ZNF626: variants seen among roughly 807,000 people sequenced by gnomAD.
The protein encoded by ZNF626 is CTC-513N18.7.
A neutral mutation model predicts 11.7 loss-of-function variants in ZNF626; 4 were observed. The observed-to-expected ratio is 0.34, with a 90% CI of 0.17 to 0.78. The LOEUF (loss-of-function observed/expected upper bound fraction) is 0.78. ZNF626 is among the 30% of genes least tolerant of loss of function. The pLI is 0.57. For missense variants in ZNF626, 588 were observed against 587.1 expected, an observed-to-expected ratio of 1.00 and a Z score of -0.01; for synonymous variants, 179 against 198.6, an observed-to-expected ratio of 0.90 and a Z score of 0.83.
In ZNF626 at chr19:20,623,043, A is replaced by G. The variant is rs1293336769; in HGVS notation, c.*1247T>C. 2 of 152,118 alleles carry G rather than the reference A, an allele frequency of 1.3e-5. No individual in the cohort carries two copies. Among genetic ancestry groups the G allele is most frequent in the African/African-American group, 4.8e-5 (2 of 41,422 alleles). 9.4% of individuals were successfully genotyped at this position (152,118 alleles called of 1,614,324 possible). On this transcript the variant is annotated 3_prime_UTR_variant, in exon 4 of 4. Coordinates refer to ENST00000601440, the MANE Select transcript of ZNF626 (RefSeq NM_001076675.3). ...AATGTGTGTAATAAACCTCCTGTAT[A>G]TTTGTAATGGTTGTCTTCAGAATAA...
chr19:20,625,311 G>T lies in ZNF626; in HGVS notation c.566C>A (p.Thr189Asn). The change falls in exon 4 of 4, where the codon ACT becomes AAT. Residue 189 changes from threonine to asparagine, a missense_variant. Coordinates refer to ENST00000601440, the MANE Select transcript of ZNF626 (RefSeq NM_001076675.3). ...TCCAGTATGAATTTTCTTATGTGTA[G>T]TAAGAGTTGAGAACTGCTTAAAAGC... Reference protein sequence around the residue: ...GKAFKQFSTLTTHKKIHTGGK... With the variant: ...GKAFKQFSTLNTHKKIHTGGK... 7 of 1,613,608 alleles carry T rather than the reference G, an allele frequency of 4.3e-6. No individual in the cohort carries two copies. The highest frequency in any genetic ancestry group is 2.2e-5 in the East Asian group (1 of 44,864).
rs1969740573 is a variant in ZNF626, at chr19:20,620,097, A to G, written c.*4193T>C. Reference sequence around the variant, plus strand: ...TCAATTTTGGTTAAATTTTTATTAAAATAAGCGTTAAAAATAATTTTTTGA... The same window carrying G: ...TCAATTTTGGTTAAATTTTTATTAAGATAAGCGTTAAAAATAATTTTTTGA... On this transcript the variant is annotated 3_prime_UTR_variant, in exon 4 of 4. Coordinates refer to ENST00000601440, the MANE Select transcript of ZNF626 (RefSeq NM_001076675.3). The G allele has an allele frequency of 6.6e-6, 1 of 152,180 alleles. No individual in the cohort carries two copies. Among genetic ancestry groups the G allele is most frequent in the Admixed American group, 6.5e-5 (1 of 15,278 alleles). The allele number at this position is 152,180 out of a possible 1,614,324, so 9.4% of individuals were successfully genotyped here. A position where few individuals can be genotyped will look rare whatever the true frequency, so the allele number is the denominator to read the frequency against.
chr19:20,661,412 CCT>C (rs1393715161), intron 1 of ZNF626, 30 bp downstream of exon 1: 3 of 1,613,776 alleles, frequency 1.9e-6, no homozygotes, highest in Non-Finnish European at 2.5e-6. Flanking sequence ...CAGTCCCTCT[CCT>C]CTCTCGGGAT....
chr19:20,647,489 T>G lies in ZNF626; in HGVS notation c.4-1084A>C, dbSNP rs1034091276. ...TTAACTGCACTAGGACAATGGTTTT[T>G]TTTTTTTTTTTTTTTGAGACGGAGT... On this transcript the variant is annotated intron_variant, in intron 1 of 3. Transcript: ENST00000601440. Among the ~76,000 whole-genome samples, 292 of 119,570 alleles carry G rather than the reference T, an allele frequency of 2.4e-3. 1 individual carries two copies. Among genetic ancestry groups the G allele is most frequent in the Non-Finnish European group, 2.0e-3 (132 of 65,124 alleles). 78.4% of individuals were successfully genotyped at this position (119,570 alleles called of 152,430 possible). A position where few individuals can be genotyped will look rare whatever the true frequency, so the allele number is the denominator to read the frequency against.
At chr19:20,647,588 GCCATT>G (rs1970095822) in intron 1 of ZNF626, among the ~76,000 whole-genome samples, 1 of 146,316 alleles carries the variant, frequency 6.8e-6, no homozygotes, top group Non-Finnish European at 1.5e-5. Context: ...CCAGGTTCAC[GCCATT>G]CTCCTGCCTC....
chr19:20,626,860 C>CA (rs1373112582), intron 3 of ZNF626, among the ~76,000 whole-genome samples: 17 of 151,930 alleles, frequency 1.1e-4, no homozygotes, highest in South Asian at 2.1e-4. Context: ...GCTAAAAATA[C>CA]AAAAAATTAG....
At chr19:20,640,642 T>C (rs1555771336) in intron 3 of ZNF626, among the ~76,000 whole-genome samples, 1 of 143,398 alleles carries the variant, frequency 7.0e-6, no homozygotes, top group Non-Finnish European at 1.5e-5. Flanking sequence ...AGAAAATTAC[T>C]AGTTTATAGA....
rs539555076 is a variant in ZNF626 at position 20,626,835 on chromosome 19, TA to T, written c.227-1186del. 6.6e-5 allele frequency among the ~76,000 whole-genome samples: 10 copies of T among 152,100 alleles called. 1 individual carries two copies. The South Asian group carries it at 2.1e-3, about 32-fold the overall frequency. The stretch of plus-strand genomic sequence containing the variant: ...TCCAAAATTAGCCTGGCCAACATGG[TA>T]AAAACCCATCTCTGCTAAAAATACA... On this transcript the variant is annotated intron_variant, in intron 3 of 3. Coordinates refer to ENST00000601440, the MANE Select transcript of ZNF626 (RefSeq NM_001076675.3).
intron 3 of ZNF626, among the ~76,000 whole-genome samples, chr19:20,635,173 T>C (rs548128685): frequency 1.7e-3 from 265 of 152,290 alleles, no homozygotes; most frequent in Middle Eastern, 3.4e-3. Flanking sequence ...AAAGCAGTTA[T>C]ACTCCTAGAA....
rs3217340 is a variant in ZNF626, at chr19:20,661,534, G to GAAGT, written c.-89_-88insACTT. ...GGCCACACAGCCTGGGCCTTTAGGA[G>GAAGT]AAGAACCAGACCTGGAGCTCTGACT... On this transcript the variant is annotated 5_prime_UTR_variant, in exon 1 of 4. Coordinates refer to ENST00000601440, the MANE Select transcript of ZNF626 (RefSeq NM_001076675.3). The GAAGT allele has an allele frequency of 0.76, 1,126,373 of 1,491,178 alleles. 430,642 individuals carry two copies. Among genetic ancestry groups the GAAGT allele is most frequent in the African/African-American group, 0.91 (65,574 of 71,908 alleles). The allele number at this position is 1,491,178 out of a possible 1,614,324, so 92.4% of individuals were successfully genotyped here.
At chr19:20,659,036 T>G (rs1207037235) in intron 1 of ZNF626, among the ~76,000 whole-genome samples, 1 of 152,106 alleles carries the variant, frequency 6.6e-6, no homozygotes, top group Non-Finnish European at 1.5e-5. Context: ...ATGAAACACA[T>G]AGAAAATCCT....
intron 1 of ZNF626, among the ~76,000 whole-genome samples, chr19:20,659,193 T>C (rs1403899103): frequency 2.6e-5 from 4 of 152,192 alleles, no homozygotes; most frequent in African/African-American, 9.6e-5. Context: ...GTACATTTTC[T>C]CCTTTTTCTC....
intron 3 of ZNF626, among the ~76,000 whole-genome samples, chr19:20,637,969 GTC>G (rs1340131383): frequency 6.6e-6 from 1 of 151,518 alleles, no homozygotes; most frequent in Admixed American, 6.6e-5. Flanking sequence ...GCAAAACTCT[GTC>G]TCTACAAAAA....
Position 20,623,535 on chromosome 19 carries a change from A to AAT in ZNF626, c.*754_*755insAT, listed in dbSNP as rs1969780833. ...AACTTGTGGCCAGGCATGGTGGCTCATGCCTGTAATTGCAACACTTTAGGA... is the reference window on the plus strand; with the variant it reads ...AACTTGTGGCCAGGCATGGTGGCTCAATTGCCTGTAATTGCAACACTTTAGGA... On this transcript the variant is annotated 3_prime_UTR_variant, in exon 4 of 4. Transcript: ENST00000601440. 1 of 155,724 alleles carries AAT rather than the reference A, an allele frequency of 6.4e-6. No homozygotes were observed. The highest frequency in any genetic ancestry group is 6.2e-5 in the Admixed American group (1 of 16,030). 9.6% of individuals were successfully genotyped at this position (155,724 alleles called of 1,614,324 possible).
chr19:20,645,207 T>C (rs1455336279), intron 3 of ZNF626: 2 of 1,222,450 alleles, frequency 1.6e-6, no homozygotes, highest in African/African-American at 1.6e-5. Flanking sequence ...ATTTCAAGCC[T>C]AGATAGTAAT....
chr19:20,639,089 G>A (rs1222919333), intron 3 of ZNF626, among the ~76,000 whole-genome samples: 1 of 152,142 alleles, frequency 6.6e-6, no homozygotes, highest in African/African-American at 2.4e-5. Flanking sequence ...GTAACTGGAT[G>A]TATTATATGG....
chr19:20,627,603 AATAT>A (rs1226551034), intron 3 of ZNF626, among the ~76,000 whole-genome samples: 1 of 151,936 alleles, frequency 6.6e-6, no homozygotes, highest in African/African-American at 2.4e-5. Flanking sequence ...AAACCATTTA[AATAT>A]ATATATAATT....
intron 3 of ZNF626, among the ~76,000 whole-genome samples, chr19:20,627,093 G>C (rs1183381430): frequency 6.6e-6 from 1 of 151,052 alleles, no homozygotes; most frequent in Admixed American, 6.6e-5. Context: ...TAAAAATGAG[G>C]ATAATAATAA....
Position 20,623,800 on chromosome 19 carries a change from CAAAAAAA to C in ZNF626, c.*483_*489del. ...GGTGACAAGAGTTGAAACTCCATCT[CAAAAAAA>C]AAAAAAAAAAGACAGAACTTGTTAT... On this transcript the variant is annotated 3_prime_UTR_variant, in exon 4 of 4. Coordinates refer to ENST00000601440, the MANE Select transcript of ZNF626 (RefSeq NM_001076675.3). The C allele has an allele frequency of 5.0e-6, 1 of 199,254 alleles. No individual in the cohort carries two copies. The highest frequency in any genetic ancestry group is 6.1e-5 in the Admixed American group (1 of 16,292). 12.3% of individuals were successfully genotyped at this position (199,254 alleles called of 1,614,324 possible). A position where few individuals can be genotyped will look rare whatever the true frequency, so the allele number is the denominator to read the frequency against.
Sources: gnomAD v4.1 joint callset for allele counts (sites outside exome capture counted in the v4.1 genomes callset) on GRCh38, gnomAD v4.1.1 for gene constraint, MANE v1.5 for transcripts, NCBI Gene and HGNC (gene_info 2026-07-23, HGNC 2026-07-21) for gene names.